NCAM2: variants seen among roughly 807,000 people sequenced by gnomAD.
The protein encoded by NCAM2 is neural cell adhesion molecule 2, also known as N-CAM-2.
Under a neutral mutation model 98.1 loss-of-function variants are expected in NCAM2, and 30 were observed. The ratio of observed to expected loss-of-function variants is 0.31; its 90% CI spans 0.23 to 0.41. The LOEUF is 0.41. Among genes scored for constraint, NCAM2 ranks in the 10% least tolerant of loss-of-function variants. The probability of loss-of-function intolerance (pLI) is 1.00; values close to 1 mark genes in which losing one functional copy is unlikely to be tolerated. For synonymous variants in NCAM2, 368 were observed against 342.4 expected, an observed-to-expected ratio of 1.07 and a Z score of -0.83; for missense variants, 867 against 1,005.8, an observed-to-expected ratio of 0.86 and a Z score of 1.87.
At chr21:21,192,307 T>C (rs904914868) in intron 1 of NCAM2, among the ~76,000 whole-genome samples, 2 of 151,732 alleles carry the variant, frequency 1.3e-5, no homozygotes, top group Non-Finnish European at 2.9e-5. Flanking sequence ...AGAAAAGCAA[T>C]TTAGATGGAT....
intron 1 of NCAM2, among the ~76,000 whole-genome samples, chr21:21,061,741 C>A (rs1333293590): frequency 6.6e-6 from 1 of 151,400 alleles, no homozygotes; most frequent in Non-Finnish European, 1.5e-5. Flanking sequence ...TATGTCTTAA[C>A]AGTATGCCTA....
At chr21:21,398,686 G>A in intron 9 of NCAM2, among the ~76,000 whole-genome samples, 1 of 152,202 alleles carries the variant, frequency 6.6e-6, no homozygotes, top group South Asian at 2.1e-4. Flanking sequence ...TGGTAGGTGA[G>A]TAAGTCAGCA....
At chr21:21,326,142 T>G (rs2074505680) in intron 6 of NCAM2, among the ~76,000 whole-genome samples, 1 of 152,164 alleles carries the variant, frequency 6.6e-6, no homozygotes, top group South Asian at 2.1e-4. Flanking sequence ...CTTCATCATT[T>G]CTGAGGCAGA....
intron 1 of NCAM2, among the ~76,000 whole-genome samples, chr21:21,119,484 T>C (rs1197721878): frequency 2.6e-5 from 4 of 152,202 alleles, no homozygotes; most frequent in African/African-American, 7.2e-5. Flanking sequence ...GCCTTAAGTT[T>C]ATGGGAAGCA....
intron 1 of NCAM2, among the ~76,000 whole-genome samples, chr21:21,218,949 A>G (rs1056772733): frequency 2.6e-5 from 4 of 152,196 alleles, no homozygotes; most frequent in African/African-American, 9.6e-5. Flanking sequence ...AGGCTGAGGA[A>G]GGAGAATCAC....
intron 16 of NCAM2, among the ~76,000 whole-genome samples, chr21:21,519,013 G>A (rs965628180): frequency 6.6e-6 from 1 of 152,092 alleles, no homozygotes; most frequent in Non-Finnish European, 1.5e-5. Flanking sequence ...ACAATCAAGG[G>A]ACAGAACATT....
intron 14 of NCAM2, among the ~76,000 whole-genome samples, chr21:21,472,734 C>T (rs980638865): frequency 2.0e-5 from 3 of 151,542 alleles, no homozygotes; most frequent in Non-Finnish European, 4.4e-5. Flanking sequence ...TATGAGAACA[C>T]AGAAGGTAAT....
At chr21:21,471,344 T>C (rs1984417692) in intron 14 of NCAM2, among the ~76,000 whole-genome samples, 1 of 152,022 alleles carries the variant, frequency 6.6e-6, no homozygotes, top group African/African-American at 2.4e-5. Context: ...GATACCATGA[T>C]TGAATAAAAA....
chr21:21,511,727 G>C (rs1988397266), intron 16 of NCAM2, among the ~76,000 whole-genome samples: 1 of 151,846 alleles, frequency 6.6e-6, no homozygotes, highest in South Asian at 2.1e-4. Flanking sequence ...AGTGTATAAT[G>C]GTTTTCATTT....
chr21:21,486,616 G>T (rs1986410803), intron 15 of NCAM2, among the ~76,000 whole-genome samples: 1 of 152,076 alleles, frequency 6.6e-6, no homozygotes, highest in Non-Finnish European at 1.5e-5. Flanking sequence ...CAATAAATTA[G>T]AGACATTTCT....
At chr21:21,378,912 C>T (rs997156371) in intron 9 of NCAM2, among the ~76,000 whole-genome samples, 4 of 151,988 alleles carry the variant, frequency 2.6e-5, no homozygotes, top group Admixed American at 2.0e-4. Context: ...ATTTTGCTGT[C>T]GTCTAGTTTA....
chr21:21,540,364 G>T lies in NCAM2; in HGVS notation c.*2407G>T, dbSNP rs1990185277. 2 of 151,362 alleles carry T rather than the reference G, an allele frequency of 1.3e-5. No homozygotes were observed. The highest frequency in any genetic ancestry group is 1.3e-4 in the Admixed American group (2 of 15,130). The allele number at this position is 151,362 out of a possible 1,614,324, so 9.4% of individuals were successfully genotyped here. A position where few individuals can be genotyped will look rare whatever the true frequency, so the allele number is the denominator to read the frequency against. ...ATGATCTGAAATTAACAGATAATCTGAAGCTAATTATATTCAGACTATTTC... is the reference window on the plus strand; with the variant it reads ...ATGATCTGAAATTAACAGATAATCTTAAGCTAATTATATTCAGACTATTTC... On this transcript the variant is annotated 3_prime_UTR_variant, in exon 18 of 18. Coordinates refer to ENST00000400546, the MANE Select transcript of NCAM2 (RefSeq NM_004540.5).
At chr21:21,352,768 CA>C (rs2075375857) in intron 8 of NCAM2, among the ~76,000 whole-genome samples, 1 of 133,122 alleles carries the variant, frequency 7.5e-6, no homozygotes, top group Admixed American at 7.6e-5. Flanking sequence ...AAAACACTTT[CA>C]AGTTGTTGCA....
intron 1 of NCAM2, among the ~76,000 whole-genome samples, chr21:21,123,402 A>G (rs1370488115): frequency 1.3e-5 from 2 of 148,336 alleles, no homozygotes; most frequent in Non-Finnish European, 3.0e-5. Flanking sequence ...TCCCTCTCAA[A>G]AAAAAAAAAA....
intron 14 of NCAM2, among the ~76,000 whole-genome samples, chr21:21,476,741 A>G (rs1985217312): frequency 6.6e-6 from 1 of 152,042 alleles, no homozygotes; most frequent in African/African-American, 2.4e-5. Flanking sequence ...TATATTTAAA[A>G]CTTAGTAATT....
chr21:21,338,227 A>C (rs2074931290), intron 7 of NCAM2, among the ~76,000 whole-genome samples, 162 bp from the exon 8 acceptor site: 1 of 152,042 alleles, frequency 6.6e-6, no homozygotes, highest in African/African-American at 2.4e-5. Flanking sequence ...TGTGCTATTC[A>C]ACTGTCCTGG....
At chr21:21,304,923 A>G (rs910541370) in intron 5 of NCAM2, among the ~76,000 whole-genome samples, 1 of 152,190 alleles carries the variant, frequency 6.6e-6, no homozygotes, top group Non-Finnish European at 1.5e-5. Flanking sequence ...TTGTAGCATC[A>G]TATATAAAGA....
At chr21:21,453,087 AATATATTATATTAAAT>A (rs1465021556) in intron 12 of NCAM2, among the ~76,000 whole-genome samples, 1 of 128,910 alleles carries the variant, frequency 7.8e-6, no homozygotes, top group Non-Finnish European at 1.6e-5. Context: ...TTATATATTT[AATATATTATATTAAAT>A]ATATATTATA....
intron 1 of NCAM2, among the ~76,000 whole-genome samples, chr21:21,119,440 T>A (rs890642090): frequency 1.3e-5 from 2 of 152,202 alleles, no homozygotes; most frequent in African/African-American, 4.8e-5. Context: ...CTCTAAGGTA[T>A]TTGATTTTAA....
Sources: allele counts gnomAD v4.1 joint callset (sites outside exome capture counted in the v4.1 genomes callset), GRCh38; gene constraint gnomAD v4.1.1; transcripts MANE v1.5; gene names NCBI Gene and HGNC (gene_info 2026-07-23, HGNC 2026-07-21).